ZNF70: variants seen among roughly 807,000 people sequenced by gnomAD.
ZNF70 encodes the protein zinc finger protein 70, also known as zinc finger protein N27C7-1.
A neutral mutation model predicts 37.7 loss-of-function variants in ZNF70; 18 were observed. The ratio of observed to expected loss-of-function variants is 0.48; its 90% CI spans 0.33 to 0.71. The LOEUF (loss-of-function observed/expected upper bound fraction) is 0.71, where lower values mean the gene tolerates loss of function less well. Among genes scored for constraint, ZNF70 ranks in the 30% least tolerant of loss-of-function variants. ZNF70 has a pLI of 0.02. For synonymous variants in ZNF70, 219 were observed against 220.1 expected, an observed-to-expected ratio of 0.99 and a Z score of 0.05; for missense variants, 506 against 568.6, an observed-to-expected ratio of 0.89 and a Z score of 1.12.
chr22:23,749,932 T>G (rs867626198), intron 1 of ZNF70, among the ~76,000 whole-genome samples: 12 of 152,136 alleles, frequency 7.9e-5, no homozygotes, highest in African/African-American at 2.9e-4. Flanking sequence ...CTCTCCATAC[T>G]ATGCGCATCA....
At chr22:23,746,201 C>CTTTTTTTTTT (rs760293135) in intron 1 of ZNF70, among the ~76,000 whole-genome samples, 3 of 114,196 alleles carry the variant, frequency 2.6e-5, no homozygotes, top group Non-Finnish European at 3.6e-5. Context: ...TGGTGGTTCC[C>CTTTTTTTTTT]TTTTTTTTTT....
chr22:23,745,208 T>C lies in ZNF70; in HGVS notation c.-68A>G, dbSNP rs886828778. The C allele has an allele frequency of 3.8e-5, 57 of 1,509,920 alleles. No individual in the cohort carries two copies. The highest frequency in any genetic ancestry group is 4.7e-5 in the Non-Finnish European group (53 of 1,119,934). The allele number at this position is 1,509,920 out of a possible 1,614,324, so 93.5% of individuals were successfully genotyped here. A position where few individuals can be genotyped will look rare whatever the true frequency, so the allele number is the denominator to read the frequency against. On this transcript the variant is annotated 5_prime_UTR_variant, in exon 2 of 2. Transcript: ENST00000341976. Reference sequence around the variant, plus strand: ...ATGTTCTTCTTTGGGCCACACTTACTGTTCTCACAATCTGAAAAGAAAACA... The same window carrying C: ...ATGTTCTTCTTTGGGCCACACTTACCGTTCTCACAATCTGAAAAGAAAACA...
rs755858248 is a variant in ZNF70 at position 23,745,089 on chromosome 22, T to C, written c.52A>G (p.Arg18Gly). The C allele has an allele frequency of 1.2e-6, 2 of 1,614,058 alleles. No homozygotes were observed. The highest frequency in any genetic ancestry group is 8.5e-7 in the Non-Finnish European group (1 of 1,179,928). The change falls in exon 2 of 2, where the codon AGG (arginine) becomes GGG (glycine). Residue 18 changes from arginine (R) to glycine (G), a missense_variant. Physicochemically the swap from Arg to Gly is moderately radical, Grantham distance 125 (BLOSUM62 -2). Transcript: ENST00000341976. ...KFGETFAFENRLESQQGLFPG... is the reference protein window; with the variant it reads ...KFGETFAFENGLESQQGLFPG... ...AAAAGCCCTTGTTGTGACTCTAACC[T>C]GTTCTCAAATGCAAAGGTCTCACCA...
intron 1 of ZNF70, among the ~76,000 whole-genome samples, chr22:23,748,077 CTG>C (rs1925190751): frequency 6.6e-6 from 1 of 151,850 alleles, no homozygotes. Context: ...AGCACCTACT[CTG>C]TGCTAGGCAC....
intron 1 of ZNF70, among the ~76,000 whole-genome samples, chr22:23,745,977 G>A (rs899890866): frequency 1.3e-5 from 2 of 152,104 alleles, no homozygotes; most frequent in African/African-American, 2.4e-5. Context: ...TCACCCGACC[G>A]GTCCCCTCTT....
rs1925014408 is a variant in ZNF70, at chr22:23,744,387, A to G, written c.754T>C (p.Tyr252His). 6.2e-7 allele frequency: 1 copy of G among 1,613,852 alleles called. No homozygotes were observed. Among genetic ancestry groups the G allele is most frequent in the Non-Finnish European group, 8.5e-7 (1 of 1,179,994 alleles). ...GATTTCCCACATTCCTTACACTGAT[A>G]AGGTCTCTCTCCTGTATGAATTCTC... The part of the protein sequence containing the change: ...HERIHTGERP[Y>H]QCKECGKSFN... Residue 252 changes from tyrosine to histidine, a missense_variant, in exon 2 of 2, where the codon TAT becomes CAT. Tyr to His is a moderately conservative substitution (Grantham distance 83, BLOSUM62 2). Transcript: ENST00000341976.
At chr22:23,748,619 A>G (rs1488812131) in intron 1 of ZNF70, among the ~76,000 whole-genome samples, 1 of 149,444 alleles carries the variant, frequency 6.7e-6, no homozygotes, top group African/African-American at 2.5e-5. Context: ...ATCTCGGCTC[A>G]CTGCAACCTC....
rs1239614244 is a variant in ZNF70 at position 23,742,574 on chromosome 22, TGA to T, written c.*1224_*1225del. The T allele has an allele frequency of 6.6e-6, 1 of 152,338 alleles. No individual in the cohort carries two copies. The highest frequency in any genetic ancestry group is 1.5e-5 in the Non-Finnish European group (1 of 68,118). 9.4% of individuals were successfully genotyped at this position (152,338 alleles called of 1,614,324 possible). A position where few individuals can be genotyped will look rare whatever the true frequency, so the allele number is the denominator to read the frequency against. On this transcript the variant is annotated 3_prime_UTR_variant, in exon 2 of 2. Transcript: ENST00000341976. ...TGGAGGGAGAGAAAGCCCTGTTCAA[TGA>T]GAGGTCCCACTGCTCAGAAACCAGA...
Position 23,738,898 on chromosome 22 carries a change from AT to A in ZNF70, c.*4901del, listed in dbSNP as rs1255996459. The A allele has an allele frequency of 6.6e-6, 1 of 152,198 alleles. No individual in the cohort carries two copies. The highest frequency in any genetic ancestry group is 1.5e-5 in the Non-Finnish European group (1 of 68,050). 9.4% of individuals were successfully genotyped at this position (152,198 alleles called of 1,614,324 possible). ...TGGTGTCACAGAGGCATTTAAAAAT[AT>A]AGTAAATACTACAGATCCTTGTCCC... On this transcript the variant is annotated 3_prime_UTR_variant, in exon 2 of 2. Coordinates refer to ENST00000341976, the MANE Select transcript of ZNF70 (RefSeq NM_021916.4).
At position 23,744,329 on chromosome 22, in the gene ZNF70, C is replaced by T. The variant is rs752958834; in HGVS notation, c.812G>A (p.Arg271Gln). Reference protein sequence around the residue: ...FNQSSGLSQHRKIHTLKKPHE... With the variant: ...FNQSSGLSQHQKIHTLKKPHE... ...AGGTTTCTTTAGGGTGTGGATCTTC[C>T]GATGCTGGCTCAGGCCTGAGCTCTG... The change falls in exon 2 of 2, where the codon CGG becomes CAG. Residue 271 changes from arginine to glutamine, a missense_variant. Transcript: ENST00000341976. The T allele has an allele frequency of 5.1e-5, 82 of 1,613,622 alleles. No homozygotes were observed. The highest frequency in any genetic ancestry group is 4.9e-4 in the Middle Eastern group (3 of 6,084).
chr22:23,747,011 T>G (rs1266304427), intron 1 of ZNF70, among the ~76,000 whole-genome samples: 2 of 152,202 alleles, frequency 1.3e-5, no homozygotes, highest in East Asian at 3.8e-4. Flanking sequence ...GCAAATACTG[T>G]GCTCCTTCAT....
Position 23,744,757 on chromosome 22 carries a change from G to C in ZNF70, c.384C>G (p.Asn128Lys). The C allele has an allele frequency of 1.2e-6, 2 of 1,614,222 alleles. No individual in the cohort carries two copies. Among genetic ancestry groups the C allele is most frequent in the Non-Finnish European group, 1.7e-6 (2 of 1,180,050 alleles). ...AETDRGDSGP[N>K]APHRTPQPAK... ...CTGGTTGTGGGGTTCTGTGAGGTGC[G>C]TTAGGTCCTGAGTCCCCTCTGTCTG... Residue 128 changes from asparagine (N) to lysine (K), a missense_variant, in exon 2 of 2, where the codon AAC (asparagine) becomes AAG (lysine). Asn to Lys is a moderately conservative substitution (Grantham distance 94). Coordinates refer to ENST00000341976, the MANE Select transcript of ZNF70 (RefSeq NM_021916.4).
intron 1 of ZNF70, among the ~76,000 whole-genome samples, chr22:23,748,552 T>TC (rs1925210285): frequency 6.6e-6 from 1 of 151,766 alleles, no homozygotes. Context: ...AATGATTTTT[T>TC]TTTTTTTTTG....
At position 23,739,280 on chromosome 22, in the gene ZNF70, T is replaced by C. The variant is rs1569132720; in HGVS notation, c.*4520A>G. On this transcript the variant is annotated 3_prime_UTR_variant, in exon 2 of 2. Coordinates refer to ENST00000341976, the MANE Select transcript of ZNF70 (RefSeq NM_021916.4). ...ATTCATCACTTAGAAATTTTTTTTA[T>C]ATATATTTTTTTTGAGACAGAGTCT... is the stretch of plus-strand genomic sequence containing the variant. 1 of 149,440 alleles carries C rather than the reference T, an allele frequency of 6.7e-6. No homozygotes were observed. Among genetic ancestry groups the C allele is most frequent in the Non-Finnish European group, 1.5e-5 (1 of 68,020 alleles). 9.3% of individuals were successfully genotyped at this position (149,440 alleles called of 1,614,324 possible). A position where few individuals can be genotyped will look rare whatever the true frequency, so the allele number is the denominator to read the frequency against.
chr22:23,746,806 G>C (rs1925139601), intron 1 of ZNF70, among the ~76,000 whole-genome samples: 1 of 152,032 alleles, frequency 6.6e-6, no homozygotes, highest in Non-Finnish European at 1.5e-5. Context: ...TGCCCAGGCT[G>C]GTCCCCCCAA....
intron 1 of ZNF70, among the ~76,000 whole-genome samples, chr22:23,745,872 T>G (rs1925103640): frequency 6.6e-6 from 1 of 152,168 alleles, no homozygotes; most frequent in African/African-American, 2.4e-5. Context: ...CAGGTTTTGC[T>G]GGGAAAGAGA....
chr22:23,740,323 AG>A lies in ZNF70; in HGVS notation c.*3476del. The A allele has an allele frequency of 6.6e-6, 1 of 151,836 alleles. No homozygotes were observed. The highest frequency in any genetic ancestry group is 2.1e-4 in the South Asian group (1 of 4,798). 9.4% of individuals were successfully genotyped at this position (151,836 alleles called of 1,614,324 possible). On this transcript the variant is annotated 3_prime_UTR_variant, in exon 2 of 2. Transcript: ENST00000341976. ...AGACTCCATCTCAAAAAAAGAAAAA[AG>A]AAAAAAGAAAAAAAAAGGTAGGACA...
chr22:23,749,181 T>C (rs187709640), intron 1 of ZNF70, among the ~76,000 whole-genome samples: 5 of 151,084 alleles, frequency 3.3e-5, no homozygotes, highest in Admixed American at 2.0e-4. Flanking sequence ...GCCAAGATGG[T>C]GAAACCCCGT....
Position 23,743,539 on chromosome 22 carries a change from G to A in ZNF70, c.*261C>T. 1 of 442,180 alleles carries A rather than the reference G, an allele frequency of 2.3e-6. No individual in the cohort carries two copies. Among genetic ancestry groups the A allele is most frequent in the Non-Finnish European group, 4.0e-6 (1 of 251,218 alleles). 27.4% of individuals were successfully genotyped at this position (442,180 alleles called of 1,614,324 possible). ...TAGGCTTGGGAGTCAAATGCAAGAA[G>A]GAGAAACTGAAGGCCAGCTGTCTTT... On this transcript the variant is annotated 3_prime_UTR_variant, in exon 2 of 2. Coordinates refer to ENST00000341976, the MANE Select transcript of ZNF70 (RefSeq NM_021916.4).
Sources: allele counts gnomAD v4.1 joint callset (sites outside exome capture counted in the v4.1 genomes callset), GRCh38; gene constraint gnomAD v4.1.1; transcripts MANE v1.5; gene names NCBI Gene and HGNC (gene_info 2026-07-23, HGNC 2026-07-21).